The following PCED1B variants were observed in gnomAD, a reference collection of about 807,000 sequenced individuals.
PCED1B encodes the protein PC-esterase domain containing 1B, also known as PC-esterase domain-containing protein 1B.
For missense variants in PCED1B, 573 were observed against 573.9 expected, an observed-to-expected ratio of 1.00 and a Z score of 0.02; for synonymous variants, 251 against 246.1, an observed-to-expected ratio of 1.02 and a Z score of -0.19.
chr12:47,226,268 T>C (rs1437091698), intron 3 of PCED1B, among the ~76,000 whole-genome samples: 3 of 152,266 alleles, frequency 2.0e-5, no homozygotes, highest in East Asian at 3.8e-4. Flanking sequence ...CTCCCTCCTC[T>C]GGCTTGATTC....
intron 2 of PCED1B, among the ~76,000 whole-genome samples, chr12:47,145,315 G>T (rs546634161): frequency 6.6e-6 from 1 of 152,312 alleles, no homozygotes; most frequent in Non-Finnish European, 1.5e-5. Context: ...AAGGAAAGAA[G>T]CCGTTTCCAT....
At position 47,118,678 on chromosome 12, in the gene PCED1B, T is replaced by C. The variant is rs370554919; in HGVS notation, c.-526+14483T>C. Among the ~76,000 whole-genome samples, 16 of 152,130 alleles carry C rather than the reference T, an allele frequency of 1.1e-4. No homozygotes were observed. In the East Asian group the frequency reaches 1.5e-3, roughly 15 times the overall value. On this transcript the variant is annotated intron_variant, in intron 2 of 3. Transcript: ENST00000546455. Reference sequence around the variant, plus strand: ...AGGATTGTCTTGGGAATGTGGGCTCTTTTTTGGTTCCATATGAACTTTAAA... The same window carrying C: ...AGGATTGTCTTGGGAATGTGGGCTCCTTTTTGGTTCCATATGAACTTTAAA...
chr12:47,227,535 A>G (rs1349054560), intron 3 of PCED1B, among the ~76,000 whole-genome samples: 2 of 151,896 alleles, frequency 1.3e-5, no homozygotes, highest in African/African-American at 4.8e-5. Flanking sequence ...TCCTTCTCAC[A>G]GTCATAGCTG....
chr12:47,080,551 G>C (rs994273275), intron 1 of PCED1B, among the ~76,000 whole-genome samples: 5 of 152,144 alleles, frequency 3.3e-5, no homozygotes, highest in African/African-American at 1.2e-4. Flanking sequence ...TATCTGCTGG[G>C]AGGAAGTAAC....
rs1943992253 is a variant in PCED1B at position 47,236,485 on chromosome 12, T to G, written c.*123T>G. The G allele has an allele frequency of 6.9e-6, 7 of 1,013,982 alleles. No individual in the cohort carries two copies. Among genetic ancestry groups the G allele is most frequent in the Non-Finnish European group, 9.8e-6 (7 of 716,322 alleles). The allele number at this position is 1,013,982 out of a possible 1,614,324, so 62.8% of individuals were successfully genotyped here. ...TAAGCCTGGAGTCCATGCCTCGTCT[T>G]CCTTTTGTTCATTGCTGTTACCAAG... is the stretch of plus-strand genomic sequence containing the variant. On this transcript the variant is annotated 3_prime_UTR_variant, in exon 4 of 4. Transcript: ENST00000546455.
chr12:47,136,759 A>C (rs2137386399), intron 2 of PCED1B, among the ~76,000 whole-genome samples: 1 of 152,318 alleles, frequency 6.6e-6, no homozygotes, highest in South Asian at 2.1e-4. Flanking sequence ...CATTTTAATA[A>C]TCTTAGCATC....
intron 2 of PCED1B, among the ~76,000 whole-genome samples, chr12:47,137,587 G>C (rs989749207): frequency 6.6e-6 from 1 of 151,504 alleles, no homozygotes; most frequent in Non-Finnish European, 1.5e-5. Flanking sequence ...AAATTAGCTG[G>C]GCACGGTGGT....
In PCED1B at chr12:47,228,225, A is replaced by G. The variant is rs181925884; in HGVS notation, c.-57-6782A>G. On this transcript the variant is annotated intron_variant, in intron 3 of 3. Transcript: ENST00000546455. ...AATTTTTAGTATTTCTTGTAGAGAC[A>G]GGGTTTCACCAAGTTGCCCAGGCTG... is the stretch of plus-strand genomic sequence containing the variant. 7.4e-4 allele frequency among the ~76,000 whole-genome samples: 112 copies of G among 152,142 alleles called. No homozygotes were observed. In the Middle Eastern group the frequency reaches 0.014, roughly 18 times the overall value.
At chr12:47,147,892 C>T (rs74083882) in intron 2 of PCED1B, among the ~76,000 whole-genome samples, 3,748 of 152,258 alleles carry the variant, frequency 0.025, 150 homozygotes, top group African/African-American at 0.083. Flanking sequence ...AAAACCACGT[C>T]CATGTTATCC....
At chr12:47,119,241 C>T (rs1194211380) in intron 2 of PCED1B, among the ~76,000 whole-genome samples, 1 of 151,806 alleles carries the variant, frequency 6.6e-6, no homozygotes, top group African/African-American at 2.4e-5. Context: ...AAAATTAATC[C>T]TAAATAGATC....
At chr12:47,189,636 T>C (rs1463555512) in intron 2 of PCED1B, among the ~76,000 whole-genome samples, 2 of 152,222 alleles carry the variant, frequency 1.3e-5, no homozygotes, top group African/African-American at 2.4e-5. Flanking sequence ...ATGGACTTAC[T>C]TGCAAGGTCT....
intron 3 of PCED1B, among the ~76,000 whole-genome samples, chr12:47,233,348 A>G: frequency 6.6e-6 from 1 of 152,014 alleles, no homozygotes; most frequent in Non-Finnish European, 1.5e-5. Flanking sequence ...TCACCGTGGT[A>G]GCCAGAAAGG....
At chr12:47,132,008 T>C (rs1349908310) in intron 2 of PCED1B, among the ~76,000 whole-genome samples, 1 of 152,104 alleles carries the variant, frequency 6.6e-6, no homozygotes, top group African/African-American at 2.4e-5. Flanking sequence ...ACATAAAAAA[T>C]AGGGAAGTTG....
intron 2 of PCED1B, among the ~76,000 whole-genome samples, chr12:47,215,947 G>C (rs73295522): frequency 6.6e-6 from 1 of 151,904 alleles, no homozygotes; most frequent in Admixed American, 6.6e-5. Flanking sequence ...ACAGCTACTC[G>C]GAGCCTGAAG....
chr12:47,113,520 T>C (rs1204802579), intron 2 of PCED1B, among the ~76,000 whole-genome samples: 3 of 152,196 alleles, frequency 2.0e-5, no homozygotes, highest in Non-Finnish European at 4.4e-5. Context: ...ACGCTCCTGC[T>C]TCAAATCCTA....
chr12:47,212,552 C>A (rs1183503068), intron 2 of PCED1B, among the ~76,000 whole-genome samples: 1 of 152,198 alleles, frequency 6.6e-6, no homozygotes, highest in African/African-American at 2.4e-5. Flanking sequence ...CGAGCTTCAA[C>A]TTGACCTAAC....
chr12:47,172,313 C>T (rs1171186102), intron 2 of PCED1B, among the ~76,000 whole-genome samples: 1 of 124,976 alleles, frequency 8.0e-6, no homozygotes, highest in African/African-American at 2.9e-5. Context: ...CACCCACTTG[C>T]TTGTTCAGTT....
intron 3 of PCED1B, among the ~76,000 whole-genome samples, chr12:47,233,558 G>T (rs1169485686): frequency 6.6e-6 from 1 of 152,224 alleles, no homozygotes; most frequent in African/African-American, 2.4e-5. Context: ...GCTCATGGAA[G>T]ATAAGGGCTA....
intron 2 of PCED1B, among the ~76,000 whole-genome samples, chr12:47,142,050 A>C (rs543181723): frequency 6.6e-6 from 1 of 152,146 alleles, no homozygotes. Flanking sequence ...AACTACACCC[A>C]TCCATGCATC....
Sources: gnomAD v4.1 joint callset for allele counts (sites outside exome capture counted in the v4.1 genomes callset) on GRCh38, gnomAD v4.1.1 for gene constraint, MANE v1.5 for transcripts, NCBI Gene and HGNC (gene_info 2026-07-23, HGNC 2026-07-21) for gene names.